SLC14A2: variants seen among roughly 807,000 people sequenced by gnomAD.
The protein encoded by SLC14A2 is urea transporter 2.
SLC14A2 carries 91 observed loss-of-function variants against 104.6 expected under a neutral mutation model. The ratio of observed to expected loss-of-function variants is 0.87; its 90% CI spans 0.73 to 1.04. The LOEUF (loss-of-function observed/expected upper bound fraction) is 1.04. Among genes scored for constraint, SLC14A2 ranks in the 50% least tolerant of loss-of-function variants. The pLI, the probability that SLC14A2 is intolerant of heterozygous loss-of-function variation, is 0.00. For synonymous variants in SLC14A2, 476 were observed against 466.4 expected, an observed-to-expected ratio of 1.02 and a Z score of -0.27; for missense variants, 1,189 against 1,156.0, an observed-to-expected ratio of 1.03 and a Z score of -0.41.
chr18:45,442,249 G>A (rs1386470313), intron 1 of SLC14A2, among the ~76,000 whole-genome samples: 1 of 152,206 alleles, frequency 6.6e-6, no homozygotes, highest in Non-Finnish European at 1.5e-5. Flanking sequence ...CTTTGTGGTA[G>A]TATGCTAGCA....
At chr18:45,397,125 T>C (rs2144436638) in intron 1 of SLC14A2, among the ~76,000 whole-genome samples, 1 of 152,324 alleles carries the variant, frequency 6.6e-6, no homozygotes, top group South Asian at 2.1e-4. Flanking sequence ...GCAATGAACA[T>C]TTATGTGCAT....
chr18:45,608,294 A>G (rs1046988992), intron 2 of SLC14A2, among the ~76,000 whole-genome samples: 2 of 152,210 alleles, frequency 1.3e-5, no homozygotes, highest in Non-Finnish European at 2.9e-5. Flanking sequence ...GAACAACCCC[A>G]GAAAAGATGG....
intron 2 of SLC14A2, among the ~76,000 whole-genome samples, chr18:45,564,725 C>T (rs950315049): frequency 9.2e-5 from 14 of 152,040 alleles, no homozygotes; most frequent in African/African-American, 2.9e-4. Flanking sequence ...TGACTGTGTA[C>T]GTGCATTGTG....
At chr18:45,288,188 C>T (rs772596616) in intron 1 of SLC14A2, among the ~76,000 whole-genome samples, 2 of 152,210 alleles carry the variant, frequency 1.3e-5, no homozygotes, top group Non-Finnish European at 2.9e-5. Context: ...ACTGACCCTC[C>T]TCCTTCTTAG....
At chr18:45,339,086 G>A (rs1366269084) in intron 1 of SLC14A2, among the ~76,000 whole-genome samples, 4 of 152,108 alleles carry the variant, frequency 2.6e-5, no homozygotes, top group Non-Finnish European at 5.9e-5. Flanking sequence ...ACAGGTGTGT[G>A]CCACCATGTT....
intron 1 of SLC14A2, among the ~76,000 whole-genome samples, chr18:45,240,761 T>C (rs1192120995): frequency 6.6e-6 from 1 of 151,680 alleles, no homozygotes; most frequent in African/African-American, 2.4e-5. Context: ...AGGTTCAAGC[T>C]ATTCTCCTGC....
chr18:45,260,928 A>G (rs2084529365), intron 1 of SLC14A2, among the ~76,000 whole-genome samples: 1 of 152,154 alleles, frequency 6.6e-6, no homozygotes, highest in Non-Finnish European at 1.5e-5. Flanking sequence ...CCGTACCCCA[A>G]ACCTCAGCAT....
intron 1 of SLC14A2, among the ~76,000 whole-genome samples, chr18:45,453,647 G>T (rs565325955): frequency 1.3e-4 from 20 of 151,916 alleles, no homozygotes; most frequent in Non-Finnish European, 2.8e-4. Flanking sequence ...TAATTCTTGA[G>T]TATTTTTGTG....
chr18:45,603,182 C>T (rs2044816620), intron 2 of SLC14A2, among the ~76,000 whole-genome samples: 1 of 152,058 alleles, frequency 6.6e-6, no homozygotes, highest in Admixed American at 6.5e-5. Flanking sequence ...GACCACTGCT[C>T]AATCATTCAC....
chr18:45,606,734 T>TAAAAAAAAAAAAAAAAAAA (rs781251287), intron 2 of SLC14A2, among the ~76,000 whole-genome samples: 1 of 76,614 alleles, frequency 1.3e-5, no homozygotes, highest in African/African-American at 4.3e-5. Flanking sequence ...AAAGTCTAAT[T>TAAAAAAAAAAAAAAAAAAA]AAAAAAAAAA....
chr18:45,587,147 G>C (rs2044577653), intron 2 of SLC14A2, among the ~76,000 whole-genome samples: 1 of 152,076 alleles, frequency 6.6e-6, no homozygotes, highest in South Asian at 2.1e-4. Context: ...GCTAATTTTT[G>C]TATTTTTAGT....
At chr18:45,426,688 TATAC>T (rs1285112212) in intron 1 of SLC14A2, among the ~76,000 whole-genome samples, 6 of 121,714 alleles carry the variant, frequency 4.9e-5, no homozygotes, top group African/African-American at 1.4e-4. Context: ...CATATACATA[TATAC>T]ATACATACAC....
chr18:45,363,173 C>T (rs28539224), intron 1 of SLC14A2, among the ~76,000 whole-genome samples: 3,946 of 152,154 alleles, frequency 0.026, 173 homozygotes, highest in African/African-American at 0.088. Flanking sequence ...CCCTTTTTAT[C>T]GCTTCCATTT....
intron 18 of SLC14A2, among the ~76,000 whole-genome samples, chr18:45,676,404 T>C (rs1364923439): frequency 6.6e-6 from 1 of 152,170 alleles, no homozygotes; most frequent in Non-Finnish European, 1.5e-5. Context: ...GGAAAGGACA[T>C]TACAGGATAT....
the SLC14A2 span, among the ~76,000 whole-genome samples, chr18:45,184,344 G>C: frequency 2.0e-5 from 3 of 152,148 alleles, no homozygotes; most frequent in Non-Finnish European, 4.4e-5. Flanking sequence ...CTCTTTGGTG[G>C]CAAATGCAGT....
chr18:45,564,642 T>C (rs1254550225), intron 2 of SLC14A2, among the ~76,000 whole-genome samples: 1 of 152,204 alleles, frequency 6.6e-6, no homozygotes, highest in African/African-American at 2.4e-5. Context: ...GGGGGAAATA[T>C]GCCAGGGAGA....
At position 45,682,781 on chromosome 18, in the gene SLC14A2, G is replaced by A. The variant is rs978627249; in HGVS notation, c.*262G>A. 7.2e-6 allele frequency: 3 copies of A among 419,332 alleles called. No individual in the cohort carries two copies. The highest frequency in any genetic ancestry group is 8.9e-6 in the Non-Finnish European group (2 of 223,648). 26.0% of individuals were successfully genotyped at this position (419,332 alleles called of 1,614,324 possible). A position where few individuals can be genotyped will look rare whatever the true frequency, so the allele number is the denominator to read the frequency against. On this transcript the variant is annotated 3_prime_UTR_variant, in exon 20 of 20. Transcript: ENST00000255226. ...TTGTGGGGAACTTGCCCTCTTCTGC[G>A]AAATAAGCCTCATCCTTAAAGAGAA...
intron 1 of SLC14A2, among the ~76,000 whole-genome samples, chr18:45,217,793 A>G (rs2084024263): frequency 6.6e-6 from 1 of 152,194 alleles, no homozygotes; most frequent in African/African-American, 2.4e-5. Context: ...CATGCTTAAA[A>G]ACTTAGGATG....
chr18:45,510,503 C>T (rs2612551), intron 2 of SLC14A2, among the ~76,000 whole-genome samples: 61,652 of 151,812 alleles, frequency 0.41, 14,630 homozygotes, highest in South Asian at 0.58. Flanking sequence ...TGGAGTGGTG[C>T]CCACAGGAGG....
Sources: allele counts gnomAD v4.1 joint callset (sites outside exome capture counted in the v4.1 genomes callset), GRCh38; gene constraint gnomAD v4.1.1; transcripts MANE v1.5; gene names NCBI Gene and HGNC (gene_info 2026-07-23, HGNC 2026-07-21).